Variants in FUT9 observed in about 807,000 individuals in gnomAD.
FUT9 encodes fucosyltransferase 9.
Under a neutral mutation model 29.7 loss-of-function variants are expected in FUT9, and 15 were observed. That is an observed-to-expected ratio of 0.51 (90% CI 0.34 to 0.78). FUT9 has a LOEUF of 0.78. Ranked by LOEUF, FUT9 falls within the 30% of genes least tolerant of loss-of-function variation. The probability of loss-of-function intolerance (pLI) is 0.01; values close to 1 mark genes in which losing one functional copy is unlikely to be tolerated. For synonymous variants in FUT9, 169 were observed against 153.7 expected (o/e 1.10, Z -0.74); for missense variants, 319 against 425.4 (o/e 0.75, Z 2.20).
intron 1 of FUT9, among the ~76,000 whole-genome samples, chr6:96,033,964 A>G (rs1358394484): frequency 6.6e-6 from 1 of 151,580 alleles, no homozygotes; most frequent in African/African-American, 2.4e-5. Flanking sequence ...AAATTAAGAA[A>G]AAAACCCTCC....
intron 1 of FUT9, among the ~76,000 whole-genome samples, chr6:96,018,006 A>G (rs562306433): frequency 1.3e-5 from 2 of 152,274 alleles, no homozygotes; most frequent in Non-Finnish European, 2.9e-5. Flanking sequence ...CCTTTTGTGT[A>G]AGACATAGGC....
Position 96,212,743 on chromosome 6 carries a change from T to C in FUT9, c.*8508T>C, listed in dbSNP as rs1016664263. 2 of 172,754 alleles carry C rather than the reference T, an allele frequency of 1.2e-5. No homozygotes were observed. The highest frequency in any genetic ancestry group is 1.4e-5 in the Non-Finnish European group (1 of 72,268). 10.7% of individuals were successfully genotyped at this position (172,754 alleles called of 1,614,324 possible). A position where few individuals can be genotyped will look rare whatever the true frequency, so the allele number is the denominator to read the frequency against. On this transcript the variant is annotated 3_prime_UTR_variant, in exon 3 of 3. Coordinates refer to ENST00000302103, the MANE Select transcript of FUT9 (RefSeq NM_006581.4). Reference sequence around the variant, plus strand: ...ATTATAATAATATGTCTTATTCTGATTCCAAGACAATACGAATGTAGAGAA... The same window carrying C: ...ATTATAATAATATGTCTTATTCTGACTCCAAGACAATACGAATGTAGAGAA...
At chr6:96,076,182 T>C (rs1255541029) in intron 1 of FUT9, among the ~76,000 whole-genome samples, 3 of 152,338 alleles carry the variant, frequency 2.0e-5, no homozygotes, top group East Asian at 3.9e-4. Context: ...AATGCTTGCA[T>C]GTTTGCATTT....
intron 1 of FUT9, among the ~76,000 whole-genome samples, chr6:96,033,117 T>A (rs945311694): frequency 1.3e-5 from 2 of 151,606 alleles, no homozygotes; most frequent in African/African-American, 4.8e-5. Context: ...AATTACACCT[T>A]ATGCAGATAA....
chr6:96,132,240 G>T (rs1472754849), intron 2 of FUT9, among the ~76,000 whole-genome samples: 1 of 151,728 alleles, frequency 6.6e-6, no homozygotes, highest in African/African-American at 2.4e-5. Flanking sequence ...TCCACTCCAT[G>T]AAACTTTTTA....
At chr6:96,099,712 G>T (rs1771555475) in intron 1 of FUT9, among the ~76,000 whole-genome samples, 1 of 151,918 alleles carries the variant, frequency 6.6e-6, no homozygotes, top group South Asian at 2.1e-4. Context: ...TTTTATGCCT[G>T]CCTTTTGATG....
intron 1 of FUT9, among the ~76,000 whole-genome samples, chr6:96,095,277 T>G (rs1771475909): frequency 1.3e-5 from 2 of 152,148 alleles, no homozygotes; most frequent in Admixed American, 1.3e-4. Context: ...TTCTTAATAC[T>G]TACAATAATT....
intron 2 of FUT9, among the ~76,000 whole-genome samples, chr6:96,145,504 T>G (rs143091387): frequency 3.3e-5 from 5 of 151,940 alleles, no homozygotes; most frequent in Admixed American, 2.6e-4. Context: ...TGGAAAGGGG[T>G]AAAGTAAAAG....
At chr6:96,107,833 A>C (rs534283260) in intron 1 of FUT9, among the ~76,000 whole-genome samples, 1 of 152,296 alleles carries the variant, frequency 6.6e-6, no homozygotes, top group East Asian at 1.9e-4. Context: ...CATCCTATTC[A>C]CTTTAACTAT....
In FUT9 at chr6:96,142,722, A is replaced by T. The variant is rs184045205; in HGVS notation, c.-9+28595A>T. On this transcript the variant is annotated intron_variant, in intron 2 of 2. Transcript: ENST00000302103. ...TCAGAGAGAAATAGCGAATAGAAGG[A>T]TCATGATATATTATTTTGTTTATGC... Among the ~76,000 whole-genome samples the T allele has an allele frequency of 3.9e-5, 6 of 152,248 alleles. No individual in the cohort carries two copies. The East Asian group carries it at 9.7e-4, about 25-fold the overall frequency.
chr6:96,066,421 T>C (rs1324618905), intron 1 of FUT9, among the ~76,000 whole-genome samples: 1 of 152,120 alleles, frequency 6.6e-6, no homozygotes, highest in Non-Finnish European at 1.5e-5. Context: ...TACTGATTGC[T>C]CTACACATTG....
intron 1 of FUT9, among the ~76,000 whole-genome samples, chr6:96,112,951 G>A (rs542338320): frequency 1.3e-5 from 2 of 152,158 alleles, no homozygotes; most frequent in East Asian, 3.9e-4. Context: ...CATGTATGTT[G>A]GCTGACACAC....
intron 1 of FUT9, among the ~76,000 whole-genome samples, chr6:96,051,837 G>A (rs1374394905): frequency 1.3e-5 from 2 of 151,814 alleles, no homozygotes; most frequent in Non-Finnish European, 2.9e-5. Context: ...TAAATACAAG[G>A]AATCTAATTC....
rs1214833704 is a variant in FUT9 at position 96,213,931 on chromosome 6, T to C, written c.*9696T>C. The C allele has an allele frequency of 6.0e-6, 1 of 166,946 alleles. No homozygotes were observed. The highest frequency in any genetic ancestry group is 6.6e-5 in the Admixed American group (1 of 15,244). 10.3% of individuals were successfully genotyped at this position (166,946 alleles called of 1,614,324 possible). A position where few individuals can be genotyped will look rare whatever the true frequency, so the allele number is the denominator to read the frequency against. On this transcript the variant is annotated 3_prime_UTR_variant, in exon 3 of 3. Coordinates refer to ENST00000302103, the MANE Select transcript of FUT9 (RefSeq NM_006581.4). Reference sequence around the variant, plus strand: ...CATGCAATTGGTGAATCATGCAGCTTTGGGGACATTTACACTGCCACTCAC... The same window carrying C: ...CATGCAATTGGTGAATCATGCAGCTCTGGGGACATTTACACTGCCACTCAC...
intron 2 of FUT9, among the ~76,000 whole-genome samples, chr6:96,119,396 C>A (rs1771977010): frequency 6.6e-6 from 1 of 152,174 alleles, no homozygotes; most frequent in African/African-American, 2.4e-5. Flanking sequence ...AAGTGTGTAG[C>A]AGGCAATACC....
chr6:96,132,456 G>T (rs1023880646), intron 2 of FUT9, among the ~76,000 whole-genome samples: 1 of 152,024 alleles, frequency 6.6e-6, no homozygotes, highest in Non-Finnish European at 1.5e-5. Flanking sequence ...TTCCACAGCA[G>T]AATCATGAGG....
chr6:96,212,571 G>A lies in FUT9; in HGVS notation c.*8336G>A, dbSNP rs1773959124. On this transcript the variant is annotated 3_prime_UTR_variant, in exon 3 of 3. Transcript: ENST00000302103. Reference sequence around the variant, plus strand: ...ACTTTCAGCTTAATCGGGGTTAAGGGAGTAATTGTGACAATATAAAATGGC... The same window carrying A: ...ACTTTCAGCTTAATCGGGGTTAAGGAAGTAATTGTGACAATATAAAATGGC... The A allele has an allele frequency of 2.6e-6, 1 of 386,996 alleles. No homozygotes were observed. The highest frequency in any genetic ancestry group is 3.8e-5 in the East Asian group (1 of 26,088). 24.0% of individuals were successfully genotyped at this position (386,996 alleles called of 1,614,324 possible). A position where few individuals can be genotyped will look rare whatever the true frequency, so the allele number is the denominator to read the frequency against.
intron 2 of FUT9, among the ~76,000 whole-genome samples, chr6:96,144,765 A>G (rs889996684): frequency 3.9e-5 from 6 of 152,212 alleles, no homozygotes; most frequent in African/African-American, 1.4e-4. Context: ...CTAAGAATAG[A>G]TATATTCTTA....
chr6:96,105,377 G>A (rs2127958373), intron 1 of FUT9, among the ~76,000 whole-genome samples: 1 of 152,196 alleles, frequency 6.6e-6, no homozygotes, highest in Non-Finnish European at 1.5e-5. Flanking sequence ...CATTGTTTGA[G>A]GAGAATTTAA....
Sources: gnomAD v4.1 joint callset for allele counts (sites outside exome capture counted in the v4.1 genomes callset) on GRCh38, gnomAD v4.1.1 for gene constraint, MANE v1.5 for transcripts, NCBI Gene and HGNC (gene_info 2026-07-23, HGNC 2026-07-21) for gene names.